SLC1A2: variants seen among roughly 807,000 people sequenced by gnomAD.
SLC1A2 encodes the protein excitatory amino acid transporter 2.
Under a neutral mutation model 48.8 loss-of-function variants are expected in SLC1A2, and 15 were observed. That is an observed-to-expected ratio of 0.31 (90% CI 0.21 to 0.47). The LOEUF is 0.47. Among genes scored for constraint, SLC1A2 ranks in the 20% least tolerant of loss-of-function variants. The pLI is 0.99. For missense variants in SLC1A2, 502 were observed against 730.5 expected, an observed-to-expected ratio of 0.69 and a Z score of 3.61; for synonymous variants, 279 against 272.6, an observed-to-expected ratio of 1.02 and a Z score of -0.23.
chr11:35,418,884 G>A, intron 1 of SLC1A2, 66 bp downstream of exon 1: 2 of 1,466,708 alleles, frequency 1.4e-6, no homozygotes, highest in Non-Finnish European at 1.9e-6. Flanking sequence ...CCGCATCCCG[G>A]ATAGGGGCGC....
chr11:35,338,633 C>T (rs778641890), intron 1 of SLC1A2, among the ~76,000 whole-genome samples: 1 of 152,128 alleles, frequency 6.6e-6, no homozygotes, highest in Non-Finnish European at 1.5e-5. Context: ...AATGACCTGC[C>T]TTTGTTTGAG....
At chr11:35,285,026 T>C (rs1565213832) in intron 8 of SLC1A2, among the ~76,000 whole-genome samples, 2 of 152,184 alleles carry the variant, frequency 1.3e-5, no homozygotes, top group African/African-American at 2.4e-5. Flanking sequence ...GTTTCTAATA[T>C]AGAGATTGAC....
chr11:35,409,042 G>A (rs1855383433), intron 1 of SLC1A2, among the ~76,000 whole-genome samples: 1 of 152,218 alleles, frequency 6.6e-6, no homozygotes, highest in South Asian at 2.1e-4. Context: ...GATAATCAAT[G>A]TCTTGGTCTC....
intron 1 of SLC1A2, among the ~76,000 whole-genome samples, chr11:35,321,587 G>A (rs1198681688): frequency 6.6e-6 from 1 of 152,032 alleles, no homozygotes; most frequent in Non-Finnish European, 1.5e-5. Context: ...TATGTAATAA[G>A]TCATGCTGGG....
At chr11:35,369,700 A>G (rs1853993026) in intron 1 of SLC1A2, among the ~76,000 whole-genome samples, 2 of 152,208 alleles carry the variant, frequency 1.3e-5, no homozygotes, top group African/African-American at 2.4e-5. Context: ...ATTTTTATTG[A>G]CTGCCTCTTA....
intron 4 of SLC1A2, among the ~76,000 whole-genome samples, chr11:35,309,547 T>C (rs996023343): frequency 5.3e-5 from 8 of 152,186 alleles, no homozygotes; most frequent in Admixed American, 3.3e-4. Context: ...ACACAGGGAC[T>C]TAACTTGGGC....
chr11:35,307,790 C>T (rs953658352), intron 4 of SLC1A2, among the ~76,000 whole-genome samples: 2 of 152,210 alleles, frequency 1.3e-5, no homozygotes, highest in East Asian at 3.8e-4. Context: ...CAATGCTGAA[C>T]TGCCAGTTAT....
intron 1 of SLC1A2, among the ~76,000 whole-genome samples, chr11:35,368,958 C>A (rs1239056828): frequency 1.3e-5 from 2 of 152,206 alleles, no homozygotes; most frequent in Admixed American, 1.3e-4. Flanking sequence ...CAGTGCCATT[C>A]CTGTACCTTT....
At chr11:35,291,882 C>A in intron 7 of SLC1A2, 1 of 167,200 alleles carries the variant, frequency 6.0e-6, no homozygotes. Context: ...ATGTATTTAC[C>A]AAAATCTTCA....
chr11:35,373,362 T>C (rs1854121379), intron 1 of SLC1A2, among the ~76,000 whole-genome samples: 1 of 152,092 alleles, frequency 6.6e-6, no homozygotes, highest in Non-Finnish European at 1.5e-5. Flanking sequence ...GGCCCCCTCA[T>C]GAATGGGACA....
At chr11:35,392,640 C>T (rs915400077) in intron 1 of SLC1A2, among the ~76,000 whole-genome samples, 3 of 152,186 alleles carry the variant, frequency 2.0e-5, no homozygotes, top group African/African-American at 7.2e-5. Context: ...AATTAAGACT[C>T]CCGGGGTTCC....
chr11:35,284,087 T>TTATATATA lies in SLC1A2; in HGVS notation c.1286+2662_1286+2669dup, dbSNP rs34252173. Among the ~76,000 whole-genome samples the TTATATATA allele has an allele frequency of 2.0e-3, 232 of 115,856 alleles. 3 individuals carry two copies. The highest frequency in any genetic ancestry group is 5.3e-3 in the African/African-American group (162 of 30,502). The allele number at this position is 115,856 out of a possible 152,430, so 76.0% of individuals were successfully genotyped here. A position where few individuals can be genotyped will look rare whatever the true frequency, so the allele number is the denominator to read the frequency against. On this transcript the variant is annotated intron_variant, in intron 8 of 10. Transcript: ENST00000278379. ...TCATAGGGTGGTTGTGAAGATTTTATTATATATATATATATATATATATAA... is the reference window on the plus strand; with the variant it reads ...TCATAGGGTGGTTGTGAAGATTTTATTATATATATATATATATATATATATATATATAA...
intron 1 of SLC1A2, among the ~76,000 whole-genome samples, chr11:35,373,622 A>G (rs1270745756): frequency 2.0e-5 from 3 of 152,234 alleles, no homozygotes; most frequent in African/African-American, 7.2e-5. Flanking sequence ...AGAGGGCTGC[A>G]GGCTGTGCTG....
intron 1 of SLC1A2, among the ~76,000 whole-genome samples, chr11:35,373,582 C>A (rs780527654): frequency 2.0e-5 from 3 of 152,158 alleles, no homozygotes; most frequent in Non-Finnish European, 4.4e-5. Context: ...GCAGGAAAGA[C>A]CCCAGAAAAT....
At position 35,256,732 on chromosome 11, in the gene SLC1A2, T is replaced by C. The variant is rs1161991704; in HGVS notation, c.*4162A>G. ...TTTTCTTGGTTTGGAATGAGTTCAG[T>C]TGGAGAATAAGTAAAACAAACCAGC... On this transcript the variant is annotated 3_prime_UTR_variant, in exon 11 of 11. Coordinates refer to ENST00000278379, the MANE Select transcript of SLC1A2 (RefSeq NM_004171.4). 2 of 152,034 alleles carry C rather than the reference T, an allele frequency of 1.3e-5. No homozygotes were observed. Among genetic ancestry groups the C allele is most frequent in the Non-Finnish European group, 2.9e-5 (2 of 68,012 alleles). The allele number at this position is 152,034 out of a possible 1,614,324, so 9.4% of individuals were successfully genotyped here. A position where few individuals can be genotyped will look rare whatever the true frequency, so the allele number is the denominator to read the frequency against.
intron 1 of SLC1A2, among the ~76,000 whole-genome samples, chr11:35,322,015 G>A (rs999172335): frequency 6.6e-6 from 1 of 152,046 alleles, no homozygotes; most frequent in Non-Finnish European, 1.5e-5. Flanking sequence ...GTTCCAGTGC[G>A]CCAACTCAGG....
intron 5 of SLC1A2, among the ~76,000 whole-genome samples, chr11:35,304,156 T>C (rs1011240222): frequency 6.6e-6 from 1 of 152,092 alleles, no homozygotes; most frequent in Admixed American, 6.6e-5. Context: ...ACTTGGCCGC[T>C]GGGGTTACAG....
chr11:35,272,753 G>A (rs1205025227), intron 9 of SLC1A2, among the ~76,000 whole-genome samples: 1 of 152,200 alleles, frequency 6.6e-6, no homozygotes, highest in African/African-American at 2.4e-5. Flanking sequence ...TGGACGCTGT[G>A]TGTCAGGACT....
chr11:35,337,608 T>C (rs1281831228), intron 1 of SLC1A2, among the ~76,000 whole-genome samples: 2 of 152,140 alleles, frequency 1.3e-5, no homozygotes, highest in Non-Finnish European at 1.5e-5. Flanking sequence ...GTATAACAGG[T>C]GTACCATGGG....
Sources: gnomAD v4.1 joint callset for allele counts (sites outside exome capture counted in the v4.1 genomes callset) on GRCh38, gnomAD v4.1.1 for gene constraint, MANE v1.5 for transcripts, NCBI Gene and HGNC (gene_info 2026-07-23, HGNC 2026-07-21) for gene names.